Variants in C19orf47 observed in about 807,000 individuals in gnomAD.
The protein encoded by C19orf47 is uncharacterized protein C19orf47.
C19orf47 carries 18 observed loss-of-function variants against 32.3 expected under a neutral mutation model. The observed-to-expected ratio is 0.56, with a 90% CI of 0.39 to 0.83. C19orf47 has a LOEUF of 0.83. C19orf47 is among the 40% of genes least tolerant of loss of function. The pLI, the probability that C19orf47 is intolerant of heterozygous loss-of-function variation, is 0.00. For missense variants in C19orf47, 484 were observed against 531.6 expected, an observed-to-expected ratio of 0.91 and a Z score of 0.88; for synonymous variants, 202 against 211.1, an observed-to-expected ratio of 0.96 and a Z score of 0.37.
At chr19:40,335,697 C>A (rs949337424) in intron 4 of C19orf47, among the ~76,000 whole-genome samples, 2 of 151,958 alleles carry the variant, frequency 1.3e-5, no homozygotes, top group African/African-American at 2.4e-5. Context: ...GCAAGCTCCG[C>A]CACCCACGTT....
chr19:40,300,567 A>G, the C19orf47 span, among the ~76,000 whole-genome samples: 2 of 152,200 alleles, frequency 1.3e-5, no homozygotes, highest in East Asian at 3.8e-4. Flanking sequence ...TTTTGTTACT[A>G]TGTTAACATG....
chr19:40,314,688 T>C (rs1377779445), downstream of C19orf47, among the ~76,000 whole-genome samples: 2 of 152,178 alleles, frequency 1.3e-5, no homozygotes, highest in African/African-American at 4.8e-5. Context: ...CCCAAGGAGA[T>C]GGAGCATAAA....
intron 4 of C19orf47, among the ~76,000 whole-genome samples, chr19:40,335,889 G>A (rs2078054709): frequency 6.6e-6 from 1 of 152,200 alleles, no homozygotes; most frequent in Admixed American, 6.5e-5. Flanking sequence ...GATTACAGGC[G>A]TGAGCCACCG....
chr19:40,339,699 C>T (rs985629062), intron 2 of C19orf47, among the ~76,000 whole-genome samples: 6 of 152,188 alleles, frequency 3.9e-5, no homozygotes, highest in African/African-American at 1.4e-4. Flanking sequence ...AGGCCAGGAG[C>T]GGTGGCTTAC....
In C19orf47 at chr19:40,320,997, C is replaced by T. The variant is rs1364111814; in HGVS notation, c.*885G>A. 6.4e-6 allele frequency: 1 copy of T among 157,006 alleles called. No individual in the cohort carries two copies. 9.7% of individuals were successfully genotyped at this position (157,006 alleles called of 1,614,324 possible). Reference sequence around the variant, plus strand: ...ACACAGCCCAATCCTCTGCCACCATCCCCAGCCCAGCTGCGCATAGTGTGA... The same window carrying T: ...ACACAGCCCAATCCTCTGCCACCATTCCCAGCCCAGCTGCGCATAGTGTGA... On this transcript the variant is annotated 3_prime_UTR_variant, in exon 9 of 9. Coordinates refer to ENST00000683109, the MANE Select transcript of C19orf47 (RefSeq NM_001256441.2).
chr19:40,321,779 G>A lies in C19orf47; in HGVS notation c.*103C>T. 2.8e-6 allele frequency: 4 copies of A among 1,441,708 alleles called. No individual in the cohort carries two copies. Among genetic ancestry groups the A allele is most frequent in the Non-Finnish European group, 3.6e-6 (4 of 1,101,628 alleles). 89.3% of individuals were successfully genotyped at this position (1,441,708 alleles called of 1,614,324 possible). A position where few individuals can be genotyped will look rare whatever the true frequency, so the allele number is the denominator to read the frequency against. On this transcript the variant is annotated 3_prime_UTR_variant, in exon 9 of 9. Transcript: ENST00000683109. Reference sequence around the variant, plus strand: ...CTCTAGAGCCCGAGGGAGACAAGCTGTGTCATCCAGGAGCTGGTGGGAGGC... The same window carrying A: ...CTCTAGAGCCCGAGGGAGACAAGCTATGTCATCCAGGAGCTGGTGGGAGGC...
At chr19:40,304,242 C>A in the C19orf47 span, among the ~76,000 whole-genome samples, 3 of 152,108 alleles carry the variant, frequency 2.0e-5, no homozygotes, top group Non-Finnish European at 2.9e-5. Flanking sequence ...TGAAGAAGTT[C>A]GAGAAATGCC....
chr19:40,346,944 T>C (rs146513888), intron 1 of C19orf47, among the ~76,000 whole-genome samples: 347 of 152,150 alleles, frequency 2.3e-3, no homozygotes, highest in African/African-American at 7.5e-3. Context: ...ATAAAACAAA[T>C]CTTCAGTAAG....
chr19:40,343,304 A>G (rs1478023940), intron 1 of C19orf47, among the ~76,000 whole-genome samples: 5 of 152,116 alleles, frequency 3.3e-5, no homozygotes. Context: ...CCCATCCCCT[A>G]ACAGATTTTG....
At chr19:40,324,387 G>C in intron 7 of C19orf47, 1 of 411,536 alleles carries the variant, frequency 2.4e-6, no homozygotes, top group African/African-American at 2.0e-5. Context: ...TGGGGTCAGG[G>C]ACCTCTGAGA....
intron 2 of C19orf47, 144 bp downstream of exon 2, chr19:40,341,695 C>G (rs1475409740): frequency 4.9e-6 from 6 of 1,229,072 alleles, no homozygotes; most frequent in Non-Finnish European, 6.7e-6. Flanking sequence ...CAGTTCCAGC[C>G]CCACCCTGCC....
At chr19:40,313,769 A>C in the C19orf47 span, among the ~76,000 whole-genome samples, 4 of 152,108 alleles carry the variant, frequency 2.6e-5, no homozygotes, top group African/African-American at 4.8e-5. Context: ...ATCTGAGTCC[A>C]GGAGTTCAAG....
chr19:40,316,964 G>A (rs1468295116), downstream of C19orf47, among the ~76,000 whole-genome samples: 2 of 136,648 alleles, frequency 1.5e-5, no homozygotes, highest in Non-Finnish European at 3.3e-5. Flanking sequence ...GTGTGTGTGT[G>A]TGTACATCTC....
In C19orf47 at chr19:40,341,686, A is replaced by G. The variant is rs1405668450; in HGVS notation, c.19+153T>C. 4 of 1,071,542 alleles carry G rather than the reference A, an allele frequency of 3.7e-6. No homozygotes were observed. The East Asian group carries it at 1.1e-4, about 28-fold the overall frequency. The allele number at this position is 1,071,542 out of a possible 1,614,324, so 66.4% of individuals were successfully genotyped here. On this transcript the variant is annotated intron_variant, in intron 2 of 8. Coordinates refer to ENST00000683109, the MANE Select transcript of C19orf47 (RefSeq NM_001256441.2). ...GTGATGAGGCGGGCAGGCCTCAAGC[A>G]GTTCCAGCCCCACCCTGCCACGGTC...
chr19:40,295,020 G>A, the C19orf47 span, among the ~76,000 whole-genome samples: 7 of 152,140 alleles, frequency 4.6e-5, no homozygotes, highest in African/African-American at 7.2e-5. Flanking sequence ...AAAGGTCTTT[G>A]CTTTCTTTTT....
At chr19:40,325,595 C>G (rs2077812698) in intron 7 of C19orf47, among the ~76,000 whole-genome samples, 1 of 151,756 alleles carries the variant, frequency 6.6e-6, no homozygotes, top group South Asian at 2.1e-4. Flanking sequence ...GCCACTGAAC[C>G]CCAGCCTGGG....
downstream of C19orf47, among the ~76,000 whole-genome samples, chr19:40,315,288 G>A (rs939515327): frequency 1.3e-5 from 2 of 152,200 alleles, no homozygotes; most frequent in African/African-American, 4.8e-5. Context: ...AATATTAGGA[G>A]TAACTGAGCG....
the C19orf47 span, among the ~76,000 whole-genome samples, chr19:40,312,910 C>G: frequency 6.6e-6 from 1 of 152,244 alleles, no homozygotes; most frequent in African/African-American, 2.4e-5. Context: ...ACTGGAACAA[C>G]TATGCCACAA....
At position 40,341,900 on chromosome 19, in the gene C19orf47, A is replaced by G. The variant is rs1382965883; in HGVS notation, c.-33-10T>C. The G allele has an allele frequency of 6.5e-7, 1 of 1,536,008 alleles. No individual in the cohort carries two copies. The highest frequency in any genetic ancestry group is 2.4e-5 in the East Asian group (1 of 40,920). ...CACTGCTCCCTGGAGCCTGAAAGAG[A>G]AGAGAGGAGAGAGCCCATGAGCTGC... is the stretch of plus-strand genomic sequence containing the variant. On this transcript the variant is annotated splice_polypyrimidine_tract_variant and intron_variant, in intron 1 of 8. Coordinates refer to ENST00000683109, the MANE Select transcript of C19orf47 (RefSeq NM_001256441.2).
Sources: allele counts gnomAD v4.1 joint callset (sites outside exome capture counted in the v4.1 genomes callset), GRCh38; gene constraint gnomAD v4.1.1; transcripts MANE v1.5; gene names NCBI Gene and HGNC (gene_info 2026-07-23, HGNC 2026-07-21).